ROBO1: variants seen among roughly 807,000 people sequenced by gnomAD.
The protein encoded by ROBO1 is roundabout homolog 1.
A neutral mutation model predicts 195.9 loss-of-function variants in ROBO1; 149 were observed. That is an observed-to-expected ratio of 0.76 (90% CI 0.67 to 0.87). The LOEUF (loss-of-function observed/expected upper bound fraction) is 0.87, where lower values mean the gene tolerates loss of function less well. Ranked by LOEUF, ROBO1 falls within the 40% of genes least tolerant of loss-of-function variation. The pLI is 0.00. For missense variants in ROBO1, 1,933 were observed against 2,068.3 expected, an observed-to-expected ratio of 0.93 and a Z score of 1.27; for synonymous variants, 816 against 733.2, an observed-to-expected ratio of 1.11 and a Z score of -1.82.
At chr3:78,768,673 T>C (rs1263033448) in intron 4 of ROBO1, among the ~76,000 whole-genome samples, 2 of 151,890 alleles carry the variant, frequency 1.3e-5, no homozygotes, top group East Asian at 1.9e-4. Flanking sequence ...TATTATACTT[T>C]AAGTTTTAGG....
chr3:78,903,457 T>C (rs1048452089), intron 4 of ROBO1, among the ~76,000 whole-genome samples: 7 of 149,692 alleles, frequency 4.7e-5, no homozygotes, highest in Admixed American at 1.3e-4. Context: ...TTGACACCCA[T>C]ACTTGTTTTA....
chr3:79,208,046 A>C (rs928119159), intron 2 of ROBO1, among the ~76,000 whole-genome samples: 1 of 152,222 alleles, frequency 6.6e-6, no homozygotes, highest in Non-Finnish European at 1.5e-5. Context: ...TTGATGTCAA[A>C]AATTGATGAT....
At chr3:79,642,656 T>C (rs1379418810) in intron 1 of ROBO1, among the ~76,000 whole-genome samples, 3 of 152,104 alleles carry the variant, frequency 2.0e-5, no homozygotes, top group Non-Finnish European at 2.9e-5. Context: ...AAATACTGTA[T>C]CCAACAAATC....
chr3:78,910,881 T>C (rs985860325), intron 4 of ROBO1, among the ~76,000 whole-genome samples: 2 of 152,004 alleles, frequency 1.3e-5, no homozygotes, highest in African/African-American at 4.8e-5. Context: ...ACATGGGCAA[T>C]ACTTGGGAAC....
chr3:79,743,058 G>C (rs1560149810), intron 1 of ROBO1, among the ~76,000 whole-genome samples: 1 of 152,150 alleles, frequency 6.6e-6, no homozygotes, highest in Non-Finnish European at 1.5e-5. Context: ...ATAGAGCCTT[G>C]TTTAACTCAA....
At chr3:78,852,937 T>C (rs1306968615) in intron 4 of ROBO1, among the ~76,000 whole-genome samples, 1 of 152,132 alleles carries the variant, frequency 6.6e-6, no homozygotes. Flanking sequence ...AATAGAATGG[T>C]TCATAGGTTT....
In ROBO1 at chr3:79,303,766, A is replaced by G. The variant is rs141761368; in HGVS notation, c.89-178227T>C. Reference sequence around the variant, plus strand: ...TACGTTAAACTATGCTTTGACCAACATCTCCTCAAATACCTGCCAACCATC... The same window carrying G: ...TACGTTAAACTATGCTTTGACCAACGTCTCCTCAAATACCTGCCAACCATC... On this transcript the variant is annotated intron_variant, in intron 2 of 30. Coordinates refer to ENST00000464233, the MANE Select transcript of ROBO1 (RefSeq NM_002941.4). Among the ~76,000 whole-genome samples the G allele has an allele frequency of 8.9e-3, 1,355 of 152,284 alleles. 18 individuals are homozygous for G. Among genetic ancestry groups the G allele is most frequent in the African/African-American group, 0.031 (1,281 of 41,570 alleles).
intron 2 of ROBO1, among the ~76,000 whole-genome samples, chr3:79,563,360 C>A (rs149529790): frequency 6.6e-6 from 1 of 151,958 alleles, no homozygotes; most frequent in Non-Finnish European, 1.5e-5. Context: ...CCCATAAAAG[C>A]GTGTGTATTT....
intron 14 of ROBO1, among the ~76,000 whole-genome samples, chr3:78,665,948 T>C (rs1575876942): frequency 6.6e-6 from 1 of 152,086 alleles, no homozygotes; most frequent in East Asian, 1.9e-4. Context: ...AAATCTCATC[T>C]TGAACTGTAG....
intron 2 of ROBO1, among the ~76,000 whole-genome samples, chr3:79,408,246 A>T (rs199754322): frequency 2.7e-5 from 4 of 150,730 alleles, no homozygotes; most frequent in Non-Finnish European, 5.9e-5. Context: ...AAAAAAAATT[A>T]AAAAATTTGG....
rs116539628 is a variant in ROBO1, at chr3:79,239,913, T to C, written c.89-114374A>G. Reference sequence around the variant, plus strand: ...TTTTAAAAATTCACAAATAAACTTGTATATATTTATGGTGTGCAACATGAT... The same window carrying C: ...TTTTAAAAATTCACAAATAAACTTGCATATATTTATGGTGTGCAACATGAT... On this transcript the variant is annotated intron_variant, in intron 2 of 30. Transcript: ENST00000464233. Among the ~76,000 whole-genome samples, 18 of 152,274 alleles carry C rather than the reference T, an allele frequency of 1.2e-4. No individual in the cohort carries two copies. In the South Asian group the frequency reaches 1.7e-3, roughly 14 times the overall value.
chr3:79,612,136 G>A (rs996592551), intron 1 of ROBO1, among the ~76,000 whole-genome samples: 15 of 149,604 alleles, frequency 1.0e-4, no homozygotes, highest in Admixed American at 6.0e-4. Flanking sequence ...CCACTAACTC[G>A]TCATCTAGCA....
At chr3:78,870,363 CACTT>C (rs2035474166) in intron 4 of ROBO1, among the ~76,000 whole-genome samples, 1 of 152,208 alleles carries the variant, frequency 6.6e-6, no homozygotes. Flanking sequence ...CCCAGACTCT[CACTT>C]ACGACTTCTA....
chr3:79,739,437 G>C (rs1447757217), intron 1 of ROBO1, among the ~76,000 whole-genome samples: 1 of 152,090 alleles, frequency 6.6e-6, no homozygotes, highest in Non-Finnish European at 1.5e-5. Flanking sequence ...CTTATAAGTG[G>C]TCTGGGTTTG....
At chr3:78,807,013 G>T (rs2084564368) in intron 4 of ROBO1, among the ~76,000 whole-genome samples, 1 of 152,110 alleles carries the variant, frequency 6.6e-6, no homozygotes, top group Middle Eastern at 3.4e-3. Context: ...TCACCATTTT[G>T]GCCAGGCTGG....
chr3:79,658,728 A>G (rs1946242767), intron 1 of ROBO1, among the ~76,000 whole-genome samples: 1 of 151,636 alleles, frequency 6.6e-6, no homozygotes, highest in Admixed American at 6.6e-5. Context: ...ATTTCTTTGT[A>G]TTGGGGACAT....
chr3:79,493,433 G>A (rs1398863452), intron 2 of ROBO1, among the ~76,000 whole-genome samples: 1 of 151,704 alleles, frequency 6.6e-6, no homozygotes, highest in Non-Finnish European at 1.5e-5. Flanking sequence ...ATTATTTTAA[G>A]GTCATTTATG....
chr3:78,931,226 T>C (rs1277529349), intron 4 of ROBO1, among the ~76,000 whole-genome samples: 1 of 139,714 alleles, frequency 7.2e-6, no homozygotes, highest in East Asian at 2.1e-4. Context: ...ACATTTTCTT[T>C]TCTTTCTTTC....
chr3:78,858,742 C>T (rs1391413289), intron 4 of ROBO1, among the ~76,000 whole-genome samples: 1 of 151,340 alleles, frequency 6.6e-6, no homozygotes, highest in Non-Finnish European at 1.5e-5. Context: ...CCCTGACCCC[C>T]ACTCCGTCCA....
Sources: gnomAD v4.1 joint callset for allele counts (sites outside exome capture counted in the v4.1 genomes callset) on GRCh38, gnomAD v4.1.1 for gene constraint, MANE v1.5 for transcripts, NCBI Gene and HGNC (gene_info 2026-07-23, HGNC 2026-07-21) for gene names.